Variants in MMP26 observed in about 807,000 individuals in gnomAD.
MMP26 encodes the protein matrix metallopeptidase 26, also known as matrix metalloproteinase-26.
A neutral mutation model predicts 31.0 loss-of-function variants in MMP26; 33 were observed. The observed-to-expected ratio is 1.06, with a 90% CI of 0.81 to 1.42. MMP26 has a LOEUF of 1.42. Among genes scored for constraint, MMP26 ranks in the 40% most tolerant of loss-of-function variants. The pLI, the probability that MMP26 is intolerant of heterozygous loss-of-function variation, is 0.00. For synonymous variants in MMP26, 122 were observed against 114.9 expected, an observed-to-expected ratio of 1.06 and a Z score of -0.40; for missense variants, 347 against 316.1, an observed-to-expected ratio of 1.10 and a Z score of -0.74.
rs1847815031 is a variant in MMP26 at position 4,708,635 on chromosome 11, A to C, written c.-217+3590A>C. On this transcript the variant is annotated intron_variant, in intron 1 of 7. Coordinates refer to ENST00000380390, the MANE Select transcript of MMP26 (RefSeq NM_021801.5). ...TTCTATAGATAAAAACAGTGTCAGA[A>C]AACTTAAGACAAGAAGCAATATACA... Among the ~76,000 whole-genome samples, 6 of 152,248 alleles carry C rather than the reference A, an allele frequency of 3.9e-5. No individual in the cohort carries two copies. In the South Asian group the frequency reaches 1.2e-3, roughly 31 times the overall value.
intron 2 of MMP26, chr11:4,881,848 A>G (rs1208862562): frequency 6.8e-7 from 1 of 1,466,478 alleles, no homozygotes; most frequent in South Asian, 1.1e-5. Context: ...CTATATATAT[A>G]AAGAATCTTA....
chr11:4,860,185 G>A (rs1262542874), intron 2 of MMP26: 1 of 470,948 alleles, frequency 2.1e-6, no homozygotes, highest in Non-Finnish European at 4.4e-6. Flanking sequence ...GTTTCGGATG[G>A]CCACAAATCT....
At chr11:4,772,215 G>A (rs1848734547) in intron 2 of MMP26, among the ~76,000 whole-genome samples, 1 of 151,428 alleles carries the variant, frequency 6.6e-6, no homozygotes, top group Non-Finnish European at 1.5e-5. Flanking sequence ...GTAACCTGTG[G>A]TCCACAGGGA....
chr11:4,794,472 C>T (rs1849077359), intron 2 of MMP26, among the ~76,000 whole-genome samples: 1 of 152,116 alleles, frequency 6.6e-6, no homozygotes, highest in Non-Finnish European at 1.5e-5. Flanking sequence ...TTGCAATCTT[C>T]CTGGATGTTG....
chr11:4,845,643 C>G lies in MMP26; in HGVS notation c.-145+78302C>G, dbSNP rs181747007. Among the ~76,000 whole-genome samples the G allele has an allele frequency of 1.3e-4, 20 of 152,216 alleles. 1 individual carries two copies. The highest frequency in any genetic ancestry group is 4.6e-4 in the African/African-American group (19 of 41,564). ...TCTGCATAGCAAATAAAACAATCCA[C>G]AAAGTGAAGAGACAACCCACAGAAT... On this transcript the variant is annotated intron_variant, in intron 2 of 7. Transcript: ENST00000380390.
chr11:4,909,366 G>A (rs543168790), intron 2 of MMP26: 2 of 152,314 alleles, frequency 1.3e-5, no homozygotes, highest in East Asian at 3.9e-4. Flanking sequence ...TAAGGTAAGA[G>A]TGTTGTAAAC....
chr11:4,819,892 A>G (rs1287403128), intron 2 of MMP26, among the ~76,000 whole-genome samples: 1 of 151,986 alleles, frequency 6.6e-6, no homozygotes, highest in Non-Finnish European at 1.5e-5. Context: ...ACTGAATTTG[A>G]TGGTTCCATT....
At chr11:4,848,413 C>G (rs766163611) in intron 2 of MMP26, 1 of 1,613,850 alleles carries the variant, frequency 6.2e-7, no homozygotes, top group Non-Finnish European at 8.5e-7. Context: ...TTAATCAGTG[C>G]CAGGAGGATC....
intron 2 of MMP26, among the ~76,000 whole-genome samples, chr11:4,921,687 G>A (rs1851186850): frequency 6.6e-6 from 1 of 152,178 alleles, no homozygotes; most frequent in Non-Finnish European, 1.5e-5. Flanking sequence ...TCGAGCCATT[G>A]TGTACCTTTG....
At chr11:4,964,679 A>C (rs1098453) in intron 2 of MMP26, among the ~76,000 whole-genome samples, 95,569 of 151,990 alleles carry the variant, frequency 0.63, 30,502 homozygotes, top group African/African-American at 0.71. Context: ...AAATGCTCAC[A>C]AATGATAGAC....
intron 2 of MMP26, among the ~76,000 whole-genome samples, chr11:4,843,142 A>G (rs1456741879): frequency 6.6e-6 from 1 of 152,154 alleles, no homozygotes. Flanking sequence ...GCTGGCTTTG[A>G]GTGCTTGCAG....
At chr11:4,786,426 A>G (rs540182712) in intron 2 of MMP26, among the ~76,000 whole-genome samples, 6 of 149,666 alleles carry the variant, frequency 4.0e-5, no homozygotes, top group African/African-American at 9.8e-5. Context: ...TCTATCAGCA[A>G]TGTACCACAA....
intron 2 of MMP26, among the ~76,000 whole-genome samples, chr11:4,849,909 C>T (rs1849950421): frequency 6.6e-6 from 1 of 152,044 alleles, no homozygotes; most frequent in Non-Finnish European, 1.5e-5. Flanking sequence ...TATTTTGTTA[C>T]ATGCATAGAA....
At chr11:4,837,463 C>A (rs1849734555) in intron 2 of MMP26, among the ~76,000 whole-genome samples, 1 of 152,110 alleles carries the variant, frequency 6.6e-6, no homozygotes, top group African/African-American at 2.4e-5. Flanking sequence ...TCTCTTGCCT[C>A]AGCTTTCTGA....
chr11:4,977,380 C>T (rs991724229), intron 2 of MMP26, among the ~76,000 whole-genome samples: 10 of 152,040 alleles, frequency 6.6e-5, no homozygotes, highest in Non-Finnish European at 1.0e-4. Flanking sequence ...CAGAATTGTC[C>T]TGAATTGGAG....
intron 2 of MMP26, among the ~76,000 whole-genome samples, chr11:4,922,908 C>A (rs777928897): frequency 5.9e-5 from 9 of 151,782 alleles, no homozygotes; most frequent in Non-Finnish European, 1.0e-4. Flanking sequence ...TAGATATGTA[C>A]AAATATGTTG....
At chr11:4,896,723 G>A (rs2133554340) in intron 2 of MMP26, among the ~76,000 whole-genome samples, 1 of 152,276 alleles carries the variant, frequency 6.6e-6, no homozygotes, top group African/African-American at 2.4e-5. Context: ...CACATGGTAA[G>A]ATGGATAAAC....
At chr11:4,745,848 G>C (rs1444171963) in intron 1 of MMP26, among the ~76,000 whole-genome samples, 2 of 152,080 alleles carry the variant, frequency 1.3e-5, no homozygotes, top group East Asian at 3.9e-4. Flanking sequence ...CATATAGTTG[G>C]AGTTATACAG....
At chr11:4,891,024 T>TAATAATAATAATAAA (rs1228898738) in intron 2 of MMP26, among the ~76,000 whole-genome samples, 1 of 144,716 alleles carries the variant, frequency 6.9e-6, no homozygotes, top group African/African-American at 2.6e-5. Context: ...ATAATAATAA[T>TAATAATAATAATAAA]AAAAGTAAAA....
Sources: allele counts gnomAD v4.1 joint callset (sites outside exome capture counted in the v4.1 genomes callset), GRCh38; gene constraint gnomAD v4.1.1; transcripts MANE v1.5; gene names NCBI Gene and HGNC (gene_info 2026-07-23, HGNC 2026-07-21).